The following SLC39A14 variants were observed in gnomAD, a reference collection of about 807,000 sequenced individuals.
SLC39A14 encodes the protein solute carrier family 39 member 14, also known as metal cation symporter ZIP14.
Under a neutral mutation model 45.5 loss-of-function variants are expected in SLC39A14, and 19 were observed. The observed-to-expected ratio is 0.42, with a 90% CI of 0.29 to 0.61. The LOEUF is 0.61. Among genes scored for constraint, SLC39A14 ranks in the 20% least tolerant of loss-of-function variants. The pLI is 0.22. For missense variants in SLC39A14, 447 were observed against 616.5 expected, an observed-to-expected ratio of 0.73 and a Z score of 2.91; for synonymous variants, 264 against 251.3, an observed-to-expected ratio of 1.05 and a Z score of -0.48.
chr8:22,414,972 TGTGGTG>T, intron 5 of SLC39A14, 70 bp downstream of exon 5: 1 of 1,553,860 alleles, frequency 6.4e-7, no homozygotes. Flanking sequence ...GTTGATGTAT[TGTGGTG>T]GTGGTGGTGA....
downstream of SLC39A14, chr8:22,422,752 G>C (rs1836299246): frequency 3.1e-6 from 3 of 977,642 alleles, no homozygotes; most frequent in South Asian, 9.5e-5. Flanking sequence ...GGTGGCGATG[G>C]TGTCTCACTG....
downstream of SLC39A14, among the ~76,000 whole-genome samples, chr8:22,426,344 G>A (rs570749991): frequency 2.6e-4 from 39 of 152,128 alleles, no homozygotes; most frequent in African/African-American, 8.4e-4. Flanking sequence ...ACAGGCATGC[G>A]CCACCACACC....
chr8:22,409,578 C>T (rs903126284), intron 3 of SLC39A14, among the ~76,000 whole-genome samples: 1 of 152,040 alleles, frequency 6.6e-6, no homozygotes, highest in Non-Finnish European at 1.5e-5. Flanking sequence ...GATGGGGTTT[C>T]ACCATGTTAG....
At chr8:22,382,766 G>A (rs184775369) in intron 1 of SLC39A14, among the ~76,000 whole-genome samples, 1 of 152,158 alleles carries the variant, frequency 6.6e-6, no homozygotes, top group Non-Finnish European at 1.5e-5. Context: ...CCATGTTGGA[G>A]TGCAGTGTCG....
intron 1 of SLC39A14, chr8:22,393,129 C>T (rs1312001863): frequency 1.5e-5 from 13 of 866,652 alleles, no homozygotes; most frequent in Admixed American, 6.2e-5. Flanking sequence ...CGCCCTCCTG[C>T]ACTGTCTGGA....
At chr8:22,423,536 C>T (rs574272554), downstream of SLC39A14, among the ~76,000 whole-genome samples, 4 of 152,136 alleles carry the variant, frequency 2.6e-5, no homozygotes, top group East Asian at 3.9e-4. Context: ...AGGGTTTCAC[C>T]GTGTTAGCCA....
At chr8:22,406,762 G>A (rs1305731329) in intron 2 of SLC39A14, among the ~76,000 whole-genome samples, 1 of 152,190 alleles carries the variant, frequency 6.6e-6, no homozygotes, top group Non-Finnish European at 1.5e-5. Flanking sequence ...CACATCAGAT[G>A]CTGAGCCAGA....
intron 1 of SLC39A14, among the ~76,000 whole-genome samples, chr8:22,401,736 G>A (rs572249001): frequency 2.0e-5 from 3 of 151,620 alleles, no homozygotes; most frequent in East Asian, 1.9e-4. Flanking sequence ...GGGTTTCACC[G>A]TGTTGGCCAG....
chr8:22,417,254 G>A (rs571423193), intron 7 of SLC39A14, among the ~76,000 whole-genome samples: 23 of 152,334 alleles, frequency 1.5e-4, no homozygotes, highest in East Asian at 9.6e-4. Context: ...TATGAATCCA[G>A]AGAGAAATGA....
chr8:22,400,082 A>C (rs1834768285), intron 1 of SLC39A14, among the ~76,000 whole-genome samples: 1 of 151,218 alleles, frequency 6.6e-6, no homozygotes, highest in Non-Finnish European at 1.5e-5. Context: ...ATCGGGAAAG[A>C]TCTGCACAGA....
At chr8:22,399,030 C>G (rs1834687315) in intron 1 of SLC39A14, among the ~76,000 whole-genome samples, 1 of 152,214 alleles carries the variant, frequency 6.6e-6, no homozygotes. Flanking sequence ...GCAGGAAGAG[C>G]TGGCCTGGGG....
intron 1 of SLC39A14, among the ~76,000 whole-genome samples, chr8:22,371,696 G>T (rs1359422279): frequency 6.6e-6 from 1 of 150,484 alleles, no homozygotes; most frequent in Non-Finnish European, 1.5e-5. Context: ...CTCCCAAAGT[G>T]CTGGGATTAC....
intron 2 of SLC39A14, among the ~76,000 whole-genome samples, chr8:22,405,602 A>G (rs12544427): frequency 0.56 from 85,411 of 152,076 alleles, 24,882 homozygotes; most frequent in African/African-American, 0.73. Context: ...ACTCAGAAAT[A>G]CTGAGAAAAC....
At chr8:22,416,372 C>A in intron 7 of SLC39A14, 92 bp downstream of exon 7, 1 of 1,011,956 alleles carries the variant, frequency 9.9e-7, no homozygotes, top group Non-Finnish European at 1.5e-6. Flanking sequence ...ATCTCCCTGT[C>A]TTCACAGTGC....
In SLC39A14 at chr8:22,420,851, A is replaced by G; in HGVS notation, c.*1153A>G. ...TTGCAGAATGGTTGGCCTAATGATT[A>G]TGCTACAGATGGGTTTTAAATGACC... On this transcript the variant is annotated 3_prime_UTR_variant, in exon 9 of 9. Transcript: ENST00000381237. 1.0e-6 allele frequency: 1 copy of G among 985,268 alleles called. No homozygotes were observed. Among genetic ancestry groups the G allele is most frequent in the Non-Finnish European group, 1.2e-6 (1 of 829,914 alleles). The allele number at this position is 985,268 out of a possible 1,614,324, so 61.0% of individuals were successfully genotyped here. A position where few individuals can be genotyped will look rare whatever the true frequency, so the allele number is the denominator to read the frequency against.
chr8:22,416,456 G>A (rs1037235018), intron 7 of SLC39A14, among the ~76,000 whole-genome samples, 176 bp downstream of exon 7: 11 of 151,902 alleles, frequency 7.2e-5, no homozygotes, highest in African/African-American at 9.7e-5. Context: ...ACGGAGTCTC[G>A]CACTGTTGCC....
Position 22,406,812 on chromosome 8 carries a change from G to A in SLC39A14, c.271-1498G>A, listed in dbSNP as rs1835245925. ...CGTGCCCCCGCGGGGTAATGCAGCT[G>A]CGTGAGCCTCAGGACCCGCCAGGAT... is the stretch of plus-strand genomic sequence containing the variant. On this transcript the variant is annotated intron_variant, in intron 2 of 8. Coordinates refer to ENST00000381237, the MANE Select transcript of SLC39A14 (RefSeq NM_001128431.4). Among the ~76,000 whole-genome samples the A allele has an allele frequency of 5.9e-5, 9 of 152,328 alleles. No homozygotes were observed. The South Asian group carries it at 1.9e-3, about 32-fold the overall frequency.
chr8:22,380,793 C>T (rs1312981042), intron 1 of SLC39A14, among the ~76,000 whole-genome samples: 2 of 151,746 alleles, frequency 1.3e-5, no homozygotes, highest in African/African-American at 4.8e-5. Flanking sequence ...CCTTCCATTT[C>T]AGCCTTCCAA....
chr8:22,411,925 C>G, intron 3 of SLC39A14, 112 bp from the exon 4 acceptor site: 1 of 988,980 alleles, frequency 1.0e-6, no homozygotes, highest in Non-Finnish European at 1.4e-6. Flanking sequence ...CTTTTCCTTG[C>G]GACCTCCCTA....
Sources: allele counts gnomAD v4.1 joint callset (sites outside exome capture counted in the v4.1 genomes callset), GRCh38; gene constraint gnomAD v4.1.1; transcripts MANE v1.5; gene names NCBI Gene and HGNC (gene_info 2026-07-23, HGNC 2026-07-21).